The following PHLPP2 variants were observed in gnomAD, a reference collection of about 807,000 sequenced individuals.
PHLPP2 encodes PH domain and leucine rich repeat protein phosphatase 2.
PHLPP2 carries 66 observed loss-of-function variants against 124.9 expected under a neutral mutation model. The ratio of observed to expected loss-of-function variants is 0.53; its 90% CI spans 0.43 to 0.65. The LOEUF is 0.65. Among genes scored for constraint, PHLPP2 ranks in the 30% least tolerant of loss-of-function variants. The pLI, the probability that PHLPP2 is intolerant of heterozygous loss-of-function variation, is 0.00. For missense variants in PHLPP2, 1,685 were observed against 1,600.4 expected, an observed-to-expected ratio of 1.05 and a Z score of -0.90; for synonymous variants, 681 against 624.7, an observed-to-expected ratio of 1.09 and a Z score of -1.34.
At chr16:71,681,950 G>C (rs781239528) in intron 5 of PHLPP2, 45 bp from the exon 6 acceptor site, 2 of 1,420,568 alleles carry the variant, frequency 1.4e-6, no homozygotes, top group Admixed American at 4.6e-5. Flanking sequence ...AGTACTGGAT[G>C]TCTATCACCC....
At chr16:71,678,638 T>C in intron 8 of PHLPP2, 117 bp downstream of exon 8, 2 of 661,160 alleles carry the variant, frequency 3.0e-6, no homozygotes, top group South Asian at 3.9e-5. Flanking sequence ...AGACCTTGTC[T>C]CAAAACAACA....
At chr16:71,704,172 A>G (rs914900474) in intron 2 of PHLPP2, among the ~76,000 whole-genome samples, 1 of 151,976 alleles carries the variant, frequency 6.6e-6, no homozygotes, top group Admixed American at 6.6e-5. Flanking sequence ...TTAGCCAGGC[A>G]TGGTGGCGGG....
In PHLPP2 at chr16:71,647,176, T is replaced by G. The variant is rs540097251; in HGVS notation, c.*1714A>C. 1 of 152,624 alleles carries G rather than the reference T, an allele frequency of 6.6e-6. No individual in the cohort carries two copies. Among genetic ancestry groups the G allele is most frequent in the African/African-American group, 2.4e-5 (1 of 41,450 alleles). 9.5% of individuals were successfully genotyped at this position (152,624 alleles called of 1,614,324 possible). On this transcript the variant is annotated 3_prime_UTR_variant, in exon 19 of 19. Coordinates refer to ENST00000568954, the MANE Select transcript of PHLPP2 (RefSeq NM_015020.3). ...CCAAAAATTCAAAGCACATTCCCCA[T>G]TGGGTAAAATCAAGCAATGCCAACA...
In PHLPP2 at chr16:71,679,621, C is replaced by T. The variant is rs2044978635; in HGVS notation, c.891-86G>A. On this transcript the variant is annotated intron_variant, in intron 6 of 18. Coordinates refer to ENST00000568954, the MANE Select transcript of PHLPP2 (RefSeq NM_015020.3). Reference sequence around the variant, plus strand: ...AAGGGACATCAACGGCCTTTGATATCTATTTTAAATGTCTATAATAGAATT... The same window carrying T: ...AAGGGACATCAACGGCCTTTGATATTTATTTTAAATGTCTATAATAGAATT... 2.9e-5 allele frequency: 32 copies of T among 1,108,862 alleles called. No homozygotes were observed. In the South Asian group the frequency reaches 4.3e-4, roughly 15 times the overall value. 68.7% of individuals were successfully genotyped at this position (1,108,862 alleles called of 1,614,324 possible).
chr16:71,684,521 G>C lies in PHLPP2; in HGVS notation c.690C>G (p.Phe230Leu). Residue 230 changes from phenylalanine (F) to leucine (L), a missense_variant, in exon 5 of 19, where the codon TTC becomes TTG. Phe to Leu is a conservative substitution (Grantham distance 22, BLOSUM62 0). Transcript: ENST00000568954. ...ATCGCTGGTACTCGGCCAAAGTCTC[G>C]AAGCTGACATGATAGGTCTGAGCTT... is the stretch of plus-strand genomic sequence containing the variant. ...GAQAQTYHVS[F>L]ETLAEYQRWQ... is the part of the protein sequence containing the mutation. 1 of 1,613,774 alleles carries C rather than the reference G, an allele frequency of 6.2e-7. No individual in the cohort carries two copies. The highest frequency in any genetic ancestry group is 8.5e-7 in the Non-Finnish European group (1 of 1,179,940).
At position 71,647,348 on chromosome 16, in the gene PHLPP2, G is replaced by T. The variant is rs1304103968; in HGVS notation, c.*1542C>A. 8.2e-6 allele frequency: 1 copy of T among 122,656 alleles called. No individual in the cohort carries two copies. The highest frequency in any genetic ancestry group is 2.1e-4 in the East Asian group (1 of 4,836). The allele number at this position is 122,656 out of a possible 1,614,324, so 7.6% of individuals were successfully genotyped here. A position where few individuals can be genotyped will look rare whatever the true frequency, so the allele number is the denominator to read the frequency against. The stretch of plus-strand genomic sequence containing the variant: ...TCTGTAAGCTTAAGAATTTCTCAAT[G>T]AAGTGTCTTTCTTATGTTAGTATTG... On this transcript the variant is annotated 3_prime_UTR_variant, in exon 19 of 19. Coordinates refer to ENST00000568954, the MANE Select transcript of PHLPP2 (RefSeq NM_015020.3).
intron 3 of PHLPP2, among the ~76,000 whole-genome samples, chr16:71,691,361 T>C (rs1258303228): frequency 1.3e-5 from 2 of 151,994 alleles, no homozygotes; most frequent in African/African-American, 2.4e-5. Flanking sequence ...CTCAGGAAGC[T>C]GAGGCAGGAG....
intron 15 of PHLPP2, among the ~76,000 whole-genome samples, 188 bp downstream of exon 15, chr16:71,658,045 T>C (rs1459474680): frequency 6.6e-6 from 1 of 152,218 alleles, no homozygotes; most frequent in Non-Finnish European, 1.5e-5. Flanking sequence ...GTAGTCCTAA[T>C]ATAAACAGGT....
intron 1 of PHLPP2, among the ~76,000 whole-genome samples, chr16:71,722,579 A>G (rs1166177456): frequency 6.6e-6 from 1 of 152,222 alleles, no homozygotes; most frequent in Non-Finnish European, 1.5e-5. Context: ...ACTAACCTTC[A>G]TAACATGTAA....
intron 12 of PHLPP2, among the ~76,000 whole-genome samples, chr16:71,666,886 T>TAA (rs1431390418): frequency 6.6e-6 from 1 of 152,246 alleles, no homozygotes. Flanking sequence ...TTAAATATCA[T>TAA]AACTATATTC....
chr16:71,719,888 C>A lies in PHLPP2; in HGVS notation c.-7+4441G>T, dbSNP rs191597519. 4.3e-3 allele frequency among the ~76,000 whole-genome samples: 653 copies of A among 151,454 alleles called. 10 individuals carry two copies. Among genetic ancestry groups the A allele is most frequent in the African/African-American group, 0.015 (632 of 41,262 alleles). ...TCTCGGCTCACCGCAACCTCCACCG[C>A]CCGGGTTCAAGCGATTTTCCTGCCT... On this transcript the variant is annotated intron_variant, in intron 1 of 18. Coordinates refer to ENST00000568954, the MANE Select transcript of PHLPP2 (RefSeq NM_015020.3).
intron 3 of PHLPP2, among the ~76,000 whole-genome samples, chr16:71,695,700 G>C (rs979816258): frequency 9.7e-5 from 14 of 143,924 alleles, no homozygotes; most frequent in African/African-American, 3.3e-4. Context: ...ACAAGAGTGA[G>C]ACTCTGTCTC....
intron 2 of PHLPP2, among the ~76,000 whole-genome samples, chr16:71,707,356 A>C (rs1273909172): frequency 6.6e-6 from 1 of 152,020 alleles, no homozygotes; most frequent in East Asian, 1.9e-4. Context: ...GCATTTCCTG[A>C]ATAATAGGAG....
Position 71,645,842 on chromosome 16 carries a change from A to C in PHLPP2, c.*3048T>G, listed in dbSNP as rs1321727548. ...TGACTCTATAGTGCACTGCAGCTTT[A>C]TGTCATACCAACATTCAAATATTCA... On this transcript the variant is annotated 3_prime_UTR_variant, in exon 19 of 19. Coordinates refer to ENST00000568954, the MANE Select transcript of PHLPP2 (RefSeq NM_015020.3). 1.3e-5 allele frequency: 2 copies of C among 152,672 alleles called. No homozygotes were observed. Among genetic ancestry groups the C allele is most frequent in the Admixed American group, 6.5e-5 (1 of 15,280 alleles). The allele number at this position is 152,672 out of a possible 1,614,324, so 9.5% of individuals were successfully genotyped here. A position where few individuals can be genotyped will look rare whatever the true frequency, so the allele number is the denominator to read the frequency against.
intron 4 of PHLPP2, among the ~76,000 whole-genome samples, chr16:71,690,233 C>T (rs974664481): frequency 6.6e-6 from 1 of 152,122 alleles, no homozygotes; most frequent in African/African-American, 2.4e-5. Context: ...CTTCTAATTT[C>T]CAAAGGCAGC....
intron 2 of PHLPP2, among the ~76,000 whole-genome samples, chr16:71,712,719 T>C (rs1368844186): frequency 6.6e-6 from 1 of 152,208 alleles, no homozygotes; most frequent in Non-Finnish European, 1.5e-5. Flanking sequence ...CAGGAATTAG[T>C]CCAAATCCTA....
At chr16:71,663,788 G>C (rs901863208) in intron 13 of PHLPP2, 111 bp downstream of exon 13, 1 of 807,748 alleles carries the variant, frequency 1.2e-6, no homozygotes, top group Non-Finnish European at 2.1e-6. Flanking sequence ...CATAGCATCT[G>C]TAAGTCAGTG....
chr16:71,723,719 G>A, intron 1 of PHLPP2: 6 of 925,612 alleles, frequency 6.5e-6, no homozygotes, highest in Non-Finnish European at 7.5e-6. Context: ...TCCCTAGTCC[G>A]CTTGCCCGCT....
chr16:71,650,826 T>G (rs1274791091), intron 18 of PHLPP2, among the ~76,000 whole-genome samples: 1 of 152,124 alleles, frequency 6.6e-6, no homozygotes, highest in Non-Finnish European at 1.5e-5. Flanking sequence ...AACTCTAAAC[T>G]GTACTTTCTT....
Sources: gnomAD v4.1 joint callset for allele counts (sites outside exome capture counted in the v4.1 genomes callset) on GRCh38, gnomAD v4.1.1 for gene constraint, MANE v1.5 for transcripts, NCBI Gene and HGNC (gene_info 2026-07-23, HGNC 2026-07-21) for gene names.